Variants in DYM observed in about 807,000 individuals in gnomAD.
DYM encodes dymeclin, also known as dyggve-Melchior-Clausen syndrome protein.
In DYM, 78 loss-of-function variants were observed where a neutral mutation model predicts 93.1. The ratio of observed to expected loss-of-function variants is 0.84; its 90% CI spans 0.70 to 1.01. The LOEUF (loss-of-function observed/expected upper bound fraction) is 1.01. Ranked by LOEUF, DYM falls within the 50% of genes least tolerant of loss-of-function variation. The probability of loss-of-function intolerance (pLI) is 0.00; values close to 1 mark genes in which losing one functional copy is unlikely to be tolerated. For missense variants in DYM, 789 were observed against 845.0 expected (o/e 0.93, Z 0.82); for synonymous variants, 321 against 319.7 (o/e 1.00, Z -0.04).
chr18:49,363,990 T>C (rs1458803000), intron 5 of DYM, among the ~76,000 whole-genome samples: 1 of 152,256 alleles, frequency 6.6e-6, no homozygotes, highest in Non-Finnish European at 1.5e-5. Context: ...GTTCTTATAA[T>C]ACTTTATTTT....
chr18:49,157,802 G>T (rs565343878), intron 15 of DYM, among the ~76,000 whole-genome samples: 6 of 152,176 alleles, frequency 3.9e-5, no homozygotes, highest in Non-Finnish European at 8.8e-5. Flanking sequence ...TTTGTCACTT[G>T]AGTTTTTGGC....
At chr18:49,284,460 A>C (rs1337219690) in intron 9 of DYM, among the ~76,000 whole-genome samples, 1 of 152,218 alleles carries the variant, frequency 6.6e-6, no homozygotes, top group Non-Finnish European at 1.5e-5. Context: ...CCTAAATACC[A>C]ACATTTGGCC....
intron 1 of DYM, among the ~76,000 whole-genome samples, chr18:49,444,783 A>T (rs1211917323): frequency 6.6e-6 from 1 of 152,210 alleles, no homozygotes. Flanking sequence ...AAAGAGTCTA[A>T]AAGAATTCTG....
intron 8 of DYM, among the ~76,000 whole-genome samples, chr18:49,322,781 A>C (rs2062590446): frequency 6.6e-6 from 1 of 152,186 alleles, no homozygotes; most frequent in East Asian, 1.9e-4. Flanking sequence ...CCAGGTAATA[A>C]TATCTGATAC....
At chr18:49,414,788 T>C (rs528898932) in intron 2 of DYM, among the ~76,000 whole-genome samples, 1 of 152,294 alleles carries the variant, frequency 6.6e-6, no homozygotes, top group Non-Finnish European at 1.5e-5. Flanking sequence ...CCGCTTCGCT[T>C]TTCTTCCTTA....
chr18:49,297,572 A>C (rs2146094387), intron 8 of DYM, among the ~76,000 whole-genome samples: 1 of 152,332 alleles, frequency 6.6e-6, no homozygotes, highest in African/African-American at 2.4e-5. Flanking sequence ...GTTTACCATT[A>C]AGAAAAAGAA....
At chr18:49,260,050 A>C (rs1360609762) in intron 11 of DYM, among the ~76,000 whole-genome samples, 1 of 152,106 alleles carries the variant, frequency 6.6e-6, no homozygotes, top group African/African-American at 2.4e-5. Flanking sequence ...TCCATAAAAT[A>C]AGAAGAGACT....
intron 8 of DYM, among the ~76,000 whole-genome samples, chr18:49,323,878 T>C (rs939948419): frequency 6.6e-6 from 1 of 152,208 alleles, no homozygotes; most frequent in Non-Finnish European, 1.5e-5. Flanking sequence ...ATGGGCATGA[T>C]GGCTGATGCC....
intron 13 of DYM, among the ~76,000 whole-genome samples, chr18:49,255,316 T>C (rs1419768420): frequency 6.6e-6 from 1 of 152,086 alleles, no homozygotes; most frequent in Non-Finnish European, 1.5e-5. Context: ...AGTTTGAGCT[T>C]TCAGTGAGCT....
chr18:49,301,245 G>T (rs2060910551), intron 8 of DYM, among the ~76,000 whole-genome samples: 1 of 152,182 alleles, frequency 6.6e-6, no homozygotes, highest in Non-Finnish European at 1.5e-5. Context: ...CCTGGGCCGG[G>T]CGTGGTGGCT....
intron 11 of DYM, among the ~76,000 whole-genome samples, chr18:49,266,007 A>C (rs2094564256): frequency 1.3e-5 from 2 of 151,898 alleles, no homozygotes; most frequent in Non-Finnish European, 2.9e-5. Flanking sequence ...TCTAAAAAAA[A>C]TAATTAGCCA....
intron 17 of DYM, among the ~76,000 whole-genome samples, chr18:49,085,538 T>G (rs1196885709): frequency 6.6e-6 from 1 of 151,438 alleles, no homozygotes; most frequent in Non-Finnish European, 1.5e-5. Context: ...CCTGAAATAC[T>G]GGTCCAACAT....
chr18:49,419,594 TTTAG>T (rs1300214617), intron 2 of DYM, among the ~76,000 whole-genome samples: 3 of 152,198 alleles, frequency 2.0e-5, no homozygotes, highest in Admixed American at 6.5e-5. Context: ...TCTTAAGTAT[TTTAG>T]TTATTCTTGT....
At chr18:49,295,958 T>TGTCCA (rs1266888185) in intron 8 of DYM, among the ~76,000 whole-genome samples, 1 of 152,216 alleles carries the variant, frequency 6.6e-6, no homozygotes, top group Non-Finnish European at 1.5e-5. Context: ...AGTTTCACTC[T>TGTCCA]GTTTCCCAGG....
intron 3 of DYM, among the ~76,000 whole-genome samples, chr18:49,389,642 A>ACATG (rs2068993518): frequency 6.6e-6 from 1 of 152,070 alleles, no homozygotes; most frequent in African/African-American, 2.4e-5. Context: ...GACTACAGGC[A>ACATG]CATGCCACCA....
chr18:49,103,419 A>G (rs1487535499), intron 16 of DYM, among the ~76,000 whole-genome samples: 1 of 152,156 alleles, frequency 6.6e-6, no homozygotes, highest in African/African-American at 2.4e-5. Context: ...TAGTTTAATT[A>G]CATCCCATTT....
At chr18:49,050,080 C>CTT (rs555098372) in intron 17 of DYM, among the ~76,000 whole-genome samples, 1,212 of 106,790 alleles carry the variant, frequency 0.011, 32 homozygotes, top group African/African-American at 0.03. Context: ...AGGTAACTTC[C>CTT]TTTTTTTTTT....
rs545305352 is a variant in DYM at position 49,442,629 on chromosome 18, C to G, written c.-53-12182G>C. On this transcript the variant is annotated intron_variant, in intron 1 of 17. Transcript: ENST00000675505. ...GATGATTCTAAGAAAAAATTAAAAA[C>G]TAAAATATCTTTAGATAGATAATAA... 1.1e-4 allele frequency among the ~76,000 whole-genome samples: 16 copies of G among 152,032 alleles called. No individual in the cohort carries two copies. In the South Asian group the frequency reaches 3.1e-3, roughly 30 times the overall value.
At chr18:49,162,572 C>T (rs1238745158) in intron 15 of DYM, among the ~76,000 whole-genome samples, 1 of 152,226 alleles carries the variant, frequency 6.6e-6, no homozygotes, top group African/African-American at 2.4e-5. Flanking sequence ...GGTCCCACTT[C>T]TCAATACTGC....
Sources: gnomAD v4.1 joint callset for allele counts (sites outside exome capture counted in the v4.1 genomes callset) on GRCh38, gnomAD v4.1.1 for gene constraint, MANE v1.5 for transcripts, NCBI Gene and HGNC (gene_info 2026-07-23, HGNC 2026-07-21) for gene names.